The following GSTO2 variants were observed in gnomAD, a reference collection of about 807,000 sequenced individuals.
GSTO2 encodes the protein glutathione S-transferase omega 2.
GSTO2 carries 23 observed loss-of-function variants against 28.4 expected under a neutral mutation model. The ratio of observed to expected loss-of-function variants is 0.81; its 90% CI spans 0.58 to 1.15. GSTO2 has a LOEUF of 1.15. Ranked by LOEUF, GSTO2 falls within the 50% of genes most tolerant of loss-of-function variation. GSTO2 has a pLI of 0.00. For missense variants in GSTO2, 298 were observed against 297.8 expected (o/e 1.00, Z 0.00); for synonymous variants, 109 against 111.0 (o/e 0.98, Z 0.11).
chr10:104,274,690 A>G lies in GSTO2; in HGVS notation c.-226A>G. 1.7e-6 allele frequency: 1 copy of G among 587,576 alleles called. No homozygotes were observed. The allele number at this position is 587,576 out of a possible 1,614,324, so 36.4% of individuals were successfully genotyped here. A position where few individuals can be genotyped will look rare whatever the true frequency, so the allele number is the denominator to read the frequency against. On this transcript the variant is annotated 5_prime_UTR_variant, in exon 2 of 7. Coordinates refer to ENST00000338595, the MANE Select transcript of GSTO2 (RefSeq NM_183239.2). ...CTTGTTTTGTTTTTTGCCAGCTCCTACTCTCGGGCTTCCAAATCTGGGGCG... is the reference window on the plus strand; with the variant it reads ...CTTGTTTTGTTTTTTGCCAGCTCCTGCTCTCGGGCTTCCAAATCTGGGGCG...
At chr10:104,286,191 T>A (rs1383420744) in intron 5 of GSTO2, among the ~76,000 whole-genome samples, 1 of 137,738 alleles carries the variant, frequency 7.3e-6, no homozygotes, top group Non-Finnish European at 1.5e-5. Flanking sequence ...TCACCAGTAT[T>A]TAATTTCAGA....
chr10:104,288,421 T>C (rs1168030940), intron 5 of GSTO2: 1 of 152,220 alleles, frequency 6.6e-6, no homozygotes, highest in Non-Finnish European at 1.5e-5. Context: ...ATGAGCACAT[T>C]GGAGGCTTGG....
chr10:104,297,708 T>G (rs1165128462), intron 6 of GSTO2, 24 bp downstream of exon 6: 2 of 1,527,338 alleles, frequency 1.3e-6, no homozygotes, highest in Non-Finnish European at 9.1e-7. Flanking sequence ...CATTGTGGTG[T>G]TAAATTCCCG....
chr10:104,297,882 A>T (rs1349982690), intron 6 of GSTO2, among the ~76,000 whole-genome samples, 198 bp downstream of exon 6: 1 of 152,140 alleles, frequency 6.6e-6, no homozygotes, highest in Non-Finnish European at 1.5e-5. Context: ...CTTTGCCCGC[A>T]TTTCTGCAGA....
intron 4 of GSTO2, among the ~76,000 whole-genome samples, chr10:104,279,074 A>G (rs2011840691): frequency 1.3e-5 from 2 of 152,218 alleles, no homozygotes; most frequent in African/African-American, 4.8e-5. Flanking sequence ...ACTGAGGCTT[A>G]GAGAGGTTGA....
chr10:104,286,903 C>G (rs1409860725), intron 5 of GSTO2, among the ~76,000 whole-genome samples: 1 of 151,922 alleles, frequency 6.6e-6, no homozygotes. Flanking sequence ...AACATAGAAA[C>G]TAAGGAAAAA....
At chr10:104,279,346 T>C in intron 4 of GSTO2, 24 bp from the exon 5 acceptor site, 2 of 1,588,016 alleles carry the variant, frequency 1.3e-6, no homozygotes, top group African/African-American at 2.7e-5. Flanking sequence ...ACTTCTCCAC[T>C]GAGAACCTGT....
chr10:104,291,561 G>A (rs2012768581), intron 5 of GSTO2: 1 of 152,326 alleles, frequency 6.6e-6, no homozygotes, highest in Non-Finnish European at 1.5e-5. Context: ...CCACCAGGGG[G>A]AGCCCCGCGC....
intron 4 of GSTO2, among the ~76,000 whole-genome samples, chr10:104,278,492 T>A (rs12253098): frequency 0.022 from 3,407 of 152,318 alleles, 135 homozygotes; most frequent in African/African-American, 0.076. Context: ...TTTTATTATT[T>A]TTTTTTTGAG....
At position 104,274,835 on chromosome 10, in the gene GSTO2, T is replaced by C; in HGVS notation, c.-81T>C. 6.5e-7 allele frequency: 1 copy of C among 1,535,566 alleles called. No individual in the cohort carries two copies. The highest frequency in any genetic ancestry group is 1.9e-5 in the Admixed American group (1 of 52,988). Reference sequence around the variant, plus strand: ...AGGGGTGCGCGCCAGAGCGCAGCTGTTTCTGGAGCCTGCGGCAGCGGTGGC... The same window carrying C: ...AGGGGTGCGCGCCAGAGCGCAGCTGCTTCTGGAGCCTGCGGCAGCGGTGGC... On this transcript the variant is annotated 5_prime_UTR_variant, in exon 2 of 7. Coordinates refer to ENST00000338595, the MANE Select transcript of GSTO2 (RefSeq NM_183239.2).
chr10:104,289,543 G>A (rs2012656167), intron 5 of GSTO2, among the ~76,000 whole-genome samples: 1 of 152,176 alleles, frequency 6.6e-6, no homozygotes, highest in Non-Finnish European at 1.5e-5. Flanking sequence ...GGCAGCAGGA[G>A]GGGCATGTTC....
Position 104,302,519 on chromosome 10 carries a change from T to C in GSTO2, c.*3235T>C, listed in dbSNP as rs2013287080. On this transcript the variant is annotated 3_prime_UTR_variant, in exon 7 of 7. Coordinates refer to ENST00000338595, the MANE Select transcript of GSTO2 (RefSeq NM_183239.2). ...AGGAGGGAGCATGATGGGGCAGGGC[T>C]TGTGTGGCTGGGACAGCTGGCTATG... 1 of 152,380 alleles carries C rather than the reference T, an allele frequency of 6.6e-6. No individual in the cohort carries two copies. Among genetic ancestry groups the C allele is most frequent in the South Asian group, 2.1e-4 (1 of 4,822 alleles). The allele number at this position is 152,380 out of a possible 1,614,324, so 9.4% of individuals were successfully genotyped here.
rs768279768 is a variant in GSTO2 at position 104,272,587 on chromosome 10, C to CTTTT, written c.-231-2057_-231-2054dup. On this transcript the variant is annotated intron_variant, in intron 1 of 6. Coordinates refer to ENST00000338595, the MANE Select transcript of GSTO2 (RefSeq NM_183239.2). ...GAATCAAAATAGAACAGTTATGGGACTTTTTTTTTTTTTTTTTTTTTTTTT... is the reference window on the plus strand; with the variant it reads ...GAATCAAAATAGAACAGTTATGGGACTTTTTTTTTTTTTTTTTTTTTTTTTTTTT... Among the ~76,000 whole-genome samples, 104 of 49,292 alleles carry CTTTT rather than the reference C, an allele frequency of 2.1e-3. 20 individuals carry two copies. The highest frequency in any genetic ancestry group is 2.8e-3 in the Non-Finnish European group (73 of 26,472). The allele number at this position is 49,292 out of a possible 152,430, so 32.3% of individuals were successfully genotyped here.
chr10:104,290,958 T>C (rs1213750777), intron 5 of GSTO2, among the ~76,000 whole-genome samples: 1 of 152,214 alleles, frequency 6.6e-6, no homozygotes, highest in Admixed American at 6.5e-5. Context: ...TTCTCCATGA[T>C]GTGCTTATTG....
intron 3 of GSTO2, 49 bp downstream of exon 3, chr10:104,275,383 G>T (rs762358128): frequency 3.2e-6 from 5 of 1,572,210 alleles, no homozygotes; most frequent in Non-Finnish European, 4.4e-6. Flanking sequence ...CGCCTCACAG[G>T]AGCCCGGGAA....
At chr10:104,296,615 A>G (rs1395079546) in intron 5 of GSTO2, 1 of 56,016 alleles carries the variant, frequency 1.8e-5, no homozygotes, top group African/African-American at 2.2e-4. Flanking sequence ...ACCCTATCTA[A>G]AAAAAAAAAA....
At chr10:104,297,393 T>C in intron 5 of GSTO2, 185 bp from the exon 6 acceptor site, 1 of 469,670 alleles carries the variant, frequency 2.1e-6, no homozygotes, top group East Asian at 3.8e-5. Flanking sequence ...TGGCCAGGAG[T>C]GTGACCCTAA....
chr10:104,300,858 C>G lies in GSTO2; in HGVS notation c.*1574C>G, dbSNP rs948149494. On this transcript the variant is annotated 3_prime_UTR_variant, in exon 7 of 7. Coordinates refer to ENST00000338595, the MANE Select transcript of GSTO2 (RefSeq NM_183239.2). ...CCAAATCAGCCCTCCTCTCTCCCCA[C>G]GTCTCAGTCTGGCCCTGCCATCTGC... 1 of 152,680 alleles carries G rather than the reference C, an allele frequency of 6.5e-6. No homozygotes were observed. Among genetic ancestry groups the G allele is most frequent in the Non-Finnish European group, 1.5e-5 (1 of 68,406 alleles). 9.5% of individuals were successfully genotyped at this position (152,680 alleles called of 1,614,324 possible).
chr10:104,273,824 T>C (rs2011513492), intron 1 of GSTO2, among the ~76,000 whole-genome samples: 1 of 152,218 alleles, frequency 6.6e-6, no homozygotes. Flanking sequence ...AGAAATAATA[T>C]GAGTTGCCTG....
Sources: allele counts gnomAD v4.1 joint callset (sites outside exome capture counted in the v4.1 genomes callset), GRCh38; gene constraint gnomAD v4.1.1; transcripts MANE v1.5; gene names NCBI Gene and HGNC (gene_info 2026-07-23, HGNC 2026-07-21).